Variants in PRDM16 observed in about 807,000 individuals in gnomAD.
PRDM16 encodes the protein histone-lysine N-methyltransferase PRDM16.
Under a neutral mutation model 110.6 loss-of-function variants are expected in PRDM16, and 23 were observed. The ratio of observed to expected loss-of-function variants is 0.21; its 90% confidence interval spans 0.15 to 0.29. The LOEUF is 0.29. Ranked by LOEUF, PRDM16 falls within the 10% of genes least tolerant of loss-of-function variation. The probability of loss-of-function intolerance (pLI) is 1.00; values close to 1 mark genes in which losing one functional copy is unlikely to be tolerated. For missense variants in PRDM16, 1,615 were observed against 1,794.3 expected (o/e 0.90, Z 1.81); for synonymous variants, 799 against 781.8 (o/e 1.02, Z -0.37).
chr1:3,419,466 G>A (rs1405504374), intron 12 of PRDM16, among the ~76,000 whole-genome samples: 1 of 152,182 alleles, frequency 6.6e-6, no homozygotes, highest in Non-Finnish European at 1.5e-5. Context: ...GAGGCTCAGA[G>A]ATGCCCCATG....
intron 14 of PRDM16, among the ~76,000 whole-genome samples, chr1:3,429,590 C>T (rs1638710145): frequency 6.6e-6 from 1 of 152,208 alleles, no homozygotes; most frequent in Non-Finnish European, 1.5e-5. Context: ...AGAACCCCAC[C>T]CGAGGGCACC....
intron 3 of PRDM16, among the ~76,000 whole-genome samples, chr1:3,373,288 C>A (rs1351806173): frequency 6.6e-6 from 1 of 152,180 alleles, no homozygotes; most frequent in Non-Finnish European, 1.5e-5. Context: ...TCCTTAGAGC[C>A]CCTAGATTCC....
chr1:3,384,259 G>T (rs1643157913), intron 3 of PRDM16, among the ~76,000 whole-genome samples: 2 of 152,014 alleles, frequency 1.3e-5, no homozygotes, highest in Admixed American at 1.3e-4. Flanking sequence ...CCCATCCCCT[G>T]CCCCCTGCCC....
intron 3 of PRDM16, among the ~76,000 whole-genome samples, chr1:3,375,526 A>G (rs72633311): frequency 0.024 from 3,588 of 152,352 alleles, 78 homozygotes; most frequent in Middle Eastern, 0.041. Context: ...GAGGAAGCCC[A>G]GCCCCCAACA....
rs760438677 is a variant in PRDM16, at chr1:3,412,169, G to A, written c.1972G>A (p.Ala658Thr). 4.4e-6 allele frequency: 7 copies of A among 1,580,702 alleles called. No homozygotes were observed. Among genetic ancestry groups the A allele is most frequent in the East Asian group, 2.3e-5 (1 of 44,386 alleles). The change falls in exon 9 of 17, where the codon GCC becomes ACC. Residue 658 changes from alanine to threonine, a missense_variant. Around this residue, in one of 5 missense-constraint regions of PRDM16, gnomAD observed 772 missense variants for 748.3 expected, o/e 1.03. Transcript: ENST00000270722. ...KFGGGLAPPGAPNSVAEVPVF... is the reference protein window; with the variant it reads ...KFGGGLAPPGTPNSVAEVPVF... ...TGGGGGCGGCTTGGCGCCCCCGGGG[G>A]CCCCGAACAGCGTGGCCGAGGTGCC...
chr1:3,293,014 T>C (rs1641011457), intron 3 of PRDM16, among the ~76,000 whole-genome samples: 1 of 152,242 alleles, frequency 6.6e-6, no homozygotes, highest in Admixed American at 6.5e-5. Flanking sequence ...TTCGGCTGTC[T>C]TTCTGCAGTT....
chr1:3,350,700 C>A lies in PRDM16; in HGVS notation c.439-34452C>A, dbSNP rs769173123. Among the ~76,000 whole-genome samples, 1 of 152,134 alleles carries A rather than the reference C, an allele frequency of 6.6e-6. No homozygotes were observed. Among genetic ancestry groups the A allele is most frequent in the South Asian group, 2.1e-4 (1 of 4,820 alleles). On this transcript the variant is annotated intron_variant, in intron 3 of 16. Coordinates refer to ENST00000270722, the MANE Select transcript of PRDM16 (RefSeq NM_022114.4). The surrounding 1 kb of genome is among the most constrained non-coding windows in gnomAD (Gnocchi z 7.1). ...AGGCAGGGCTTTGGCACCATGCAGC[C>A]TCCCAGATGGCCGGGCCGGGCTGGT... is the stretch of plus-strand genomic sequence containing the variant.
intron 1 of PRDM16, among the ~76,000 whole-genome samples, chr1:3,093,903 C>A (rs1465648062): frequency 6.6e-6 from 1 of 152,176 alleles, no homozygotes; most frequent in Non-Finnish European, 1.5e-5. Flanking sequence ...GGAGAGCAGG[C>A]GAGACAAGGA....
chr1:3,138,880 G>A (rs552719281), intron 1 of PRDM16, among the ~76,000 whole-genome samples: 3 of 152,284 alleles, frequency 2.0e-5, no homozygotes, highest in East Asian at 1.9e-4. Context: ...GTGATGTACC[G>A]GGTGTGTTGC....
intron 3 of PRDM16, among the ~76,000 whole-genome samples, chr1:3,273,956 G>A (rs1019979260): frequency 3.0e-5 from 4 of 134,822 alleles, no homozygotes; most frequent in Non-Finnish European, 4.6e-5. Context: ...TTCTCTCACC[G>A]TGGACTTGGT....
At chr1:3,270,835 G>A (rs933072650) in intron 3 of PRDM16, among the ~76,000 whole-genome samples, 2 of 152,094 alleles carry the variant, frequency 1.3e-5, no homozygotes, top group East Asian at 3.9e-4. Flanking sequence ...AAGTCGGGAG[G>A]AGTACAATCC....
intron 1 of PRDM16, among the ~76,000 whole-genome samples, chr1:3,070,038 T>A (rs1166930304): frequency 1.3e-5 from 2 of 151,500 alleles, no homozygotes; most frequent in Non-Finnish European, 3.0e-5. Context: ...GCCGGCAGCC[T>A]GCGCGGGCCG....
intron 3 of PRDM16, among the ~76,000 whole-genome samples, chr1:3,274,420 T>C (rs1386161187): frequency 6.6e-6 from 1 of 152,192 alleles, no homozygotes; most frequent in East Asian, 1.9e-4. Context: ...CTGCTTGAAT[T>C]AAACCCTGAA....
At chr1:3,431,228 C>T in intron 15 of PRDM16, 120 bp downstream of exon 15, 9 of 1,436,040 alleles carry the variant, frequency 6.3e-6, no homozygotes, top group Non-Finnish European at 8.3e-6. Context: ...TACTCCAGCA[C>T]AGCCACCTCA....
chr1:3,142,933 C>A (rs1463632114), intron 1 of PRDM16, among the ~76,000 whole-genome samples: 1 of 152,246 alleles, frequency 6.6e-6, no homozygotes, highest in East Asian at 1.9e-4. Flanking sequence ...CAACTGCCCC[C>A]TGGCCGGGGC....
At chr1:3,088,379 C>T (rs1245800469) in intron 1 of PRDM16, among the ~76,000 whole-genome samples, 1 of 152,196 alleles carries the variant, frequency 6.6e-6, no homozygotes, top group Admixed American at 6.5e-5. Flanking sequence ...GAGAACAATC[C>T]AGAAACCAGT....
chr1:3,270,038 G>A (rs116830896), intron 3 of PRDM16, among the ~76,000 whole-genome samples: 5,618 of 150,546 alleles, frequency 0.037, 147 homozygotes, highest in Non-Finnish European at 0.053. Context: ...GACTGTCCTG[G>A]AAGAGGTGAG....
chr1:3,139,908 T>C (rs989954400), intron 1 of PRDM16, among the ~76,000 whole-genome samples: 3 of 152,252 alleles, frequency 2.0e-5, no homozygotes, highest in Non-Finnish European at 2.9e-5. Flanking sequence ...CGCCGGGCTC[T>C]GGCTGGGGGC....
chr1:3,113,091 G>A (rs1426473189), intron 1 of PRDM16, among the ~76,000 whole-genome samples: 1 of 152,262 alleles, frequency 6.6e-6, no homozygotes, highest in Non-Finnish European at 1.5e-5. Flanking sequence ...TGATACTGGG[G>A]GGCCTCTTGT....
Sources: gnomAD v4.1 joint callset for allele counts (sites outside exome capture counted in the v4.1 genomes callset) on GRCh38, gnomAD v4.1.1 for gene constraint, gnomAD v4.1.1 regional missense constraint, Gnocchi (gnomAD v3.1) non-coding constraint, MANE v1.5 for transcripts, NCBI Gene and HGNC (gene_info 2026-07-23, HGNC 2026-07-21) for gene names.